Variants in ILDR1 observed in about 807,000 individuals in gnomAD.
ILDR1 encodes the protein immunoglobulin like domain containing receptor 1, also known as immunoglobulin-like domain-containing receptor 1.
Under a neutral mutation model 62.4 loss-of-function variants are expected in ILDR1, and 56 were observed. The observed-to-expected ratio is 0.90, with a 90% confidence interval of 0.72 to 1.12. ILDR1 has a LOEUF of 1.12. Among genes scored for constraint, ILDR1 ranks in the 50% most tolerant of loss-of-function variants. ILDR1 has a pLI of 0.00. For synonymous variants in ILDR1, 284 were observed against 277.8 expected, an observed-to-expected ratio of 1.02 and a Z score of -0.22; for missense variants, 736 against 710.6, an observed-to-expected ratio of 1.04 and a Z score of -0.41.
chr3:122,005,282 C>T lies in ILDR1; in HGVS notation c.341G>A (p.Gly114Glu). ...GATCTTGCGCTGCCGGTAATCTACC[C>T]CCAGCACGGGCTCATTCTGCCCCCG... ...QRRGQNEPVLGVDYRQRKITI... is the reference protein window; with the variant it reads ...QRRGQNEPVLEVDYRQRKITI... Residue 114 changes from glycine to glutamate, a missense_variant, in exon 3 of 8, where the codon GGG (glycine) becomes GAG (glutamate). Coordinates refer to ENST00000344209, the MANE Select transcript of ILDR1 (RefSeq NM_001199799.2). 6.2e-7 allele frequency: 1 copy of T among 1,613,808 alleles called. No individual in the cohort carries two copies. The highest frequency in any genetic ancestry group is 1.1e-5 in the South Asian group (1 of 91,020).
chr3:122,037,127 A>C, the ILDR1 span, among the ~76,000 whole-genome samples: 1 of 152,230 alleles, frequency 6.6e-6, no homozygotes, highest in African/African-American at 2.4e-5. Flanking sequence ...CTCATGGAGA[A>C]TCTTTATTAG....
chr3:122,051,196 C>G, the ILDR1 span, among the ~76,000 whole-genome samples: 3 of 152,110 alleles, frequency 2.0e-5, no homozygotes, highest in Non-Finnish European at 4.4e-5. Context: ...AAGTTTTCAG[C>G]CATTATTTCT....
chr3:122,009,226 C>T (rs900163327), intron 1 of ILDR1, among the ~76,000 whole-genome samples: 22 of 151,982 alleles, frequency 1.4e-4, no homozygotes, highest in African/African-American at 1.5e-4. Context: ...CCACTGCACA[C>T]AGCAATTGAT....
chr3:122,047,941 C>T, the ILDR1 span, among the ~76,000 whole-genome samples: 3 of 152,206 alleles, frequency 2.0e-5, no homozygotes, highest in African/African-American at 7.2e-5. Flanking sequence ...CTCCTCCCAC[C>T]TATTTCTTTT....
intron 1 of ILDR1, among the ~76,000 whole-genome samples, chr3:122,011,696 C>T (rs192005788): frequency 9.2e-5 from 14 of 151,622 alleles, no homozygotes; most frequent in Admixed American, 2.0e-4. Flanking sequence ...CACACACACA[C>T]GGGAAGAGTC....
rs372428576 is a variant in ILDR1, at chr3:121,988,348, G to T, written c.*19C>A. On this transcript the variant is annotated 3_prime_UTR_variant, in exon 8 of 8. Coordinates refer to ENST00000344209, the MANE Select transcript of ILDR1 (RefSeq NM_001199799.2). ...CAGGAGCCGAGAAGTAGCCACAGAA[G>T]TTGTGCTGTGCTTGGTGACTAAATG... 4.3e-6 allele frequency: 7 copies of T among 1,609,694 alleles called. No individual in the cohort carries two copies. In the East Asian group the frequency reaches 1.6e-4, roughly 36 times the overall value.
the ILDR1 span, among the ~76,000 whole-genome samples, chr3:122,050,640 GT>G: frequency 2.7e-5 from 4 of 150,508 alleles, no homozygotes; most frequent in Middle Eastern, 3.2e-3. Context: ...CTATGCTTTT[GT>G]TTTTTTTAAC....
chr3:121,995,349 T>G (rs1329370114), intron 5 of ILDR1, among the ~76,000 whole-genome samples: 2 of 152,026 alleles, frequency 1.3e-5, no homozygotes, highest in East Asian at 3.9e-4. Context: ...CCCTGGGCCC[T>G]GTGGCCACCC....
intron 3 of ILDR1, among the ~76,000 whole-genome samples, chr3:122,004,110 T>C (rs2071568513): frequency 6.6e-6 from 1 of 152,216 alleles, no homozygotes; most frequent in Non-Finnish European, 1.5e-5. Flanking sequence ...GACCTACCTT[T>C]AAACAGTCAG....
upstream of ILDR1, among the ~76,000 whole-genome samples, chr3:122,026,160 G>A (rs546863193): frequency 6.6e-6 from 1 of 152,310 alleles, no homozygotes; most frequent in Non-Finnish European, 1.5e-5. Flanking sequence ...ACTTCATGCA[G>A]GAGACAATGG....
At chr3:122,023,806 GCA>G (rs2071898131), upstream of ILDR1, among the ~76,000 whole-genome samples, 1 of 152,126 alleles carries the variant, frequency 6.6e-6, no homozygotes, top group African/African-American at 2.4e-5. Context: ...AGCAGCAGCA[GCA>G]GCAGCAGGAG....
At chr3:122,011,239 C>T (rs192359950) in intron 1 of ILDR1, among the ~76,000 whole-genome samples, 7 of 152,120 alleles carry the variant, frequency 4.6e-5, no homozygotes, top group Admixed American at 3.3e-4. Context: ...ATAGAGGTAG[C>T]GCATTTGGGA....
At chr3:122,040,572 T>C in the ILDR1 span, among the ~76,000 whole-genome samples, 1 of 151,926 alleles carries the variant, frequency 6.6e-6, no homozygotes, top group Non-Finnish European at 1.5e-5. Context: ...AGTGTGGTAT[T>C]AGCAAAAGAA....
intron 3 of ILDR1, among the ~76,000 whole-genome samples, chr3:122,004,295 A>G (rs1395577595): frequency 6.6e-6 from 1 of 152,234 alleles, no homozygotes; most frequent in Admixed American, 6.5e-5. Flanking sequence ...TGGATTACAC[A>G]ATAGAAATAT....
intron 1 of ILDR1, among the ~76,000 whole-genome samples, chr3:122,016,215 C>A (rs1445049387): frequency 1.3e-5 from 2 of 152,264 alleles, no homozygotes; most frequent in Non-Finnish European, 2.9e-5. Flanking sequence ...AGTACTCATG[C>A]ATCATCCCTT....
At chr3:122,006,583 C>T (rs371211177) in intron 2 of ILDR1, among the ~76,000 whole-genome samples, 1 of 151,580 alleles carries the variant, frequency 6.6e-6, no homozygotes, top group East Asian at 1.9e-4. Context: ...AGAGACTTCA[C>T]AAATGACCAC....
At chr3:122,018,985 G>T (rs1238978615) in intron 1 of ILDR1, among the ~76,000 whole-genome samples, 3 of 152,226 alleles carry the variant, frequency 2.0e-5, no homozygotes, top group Non-Finnish European at 4.4e-5. Context: ...GGGGTCGGTT[G>T]TCTGATTTCC....
At chr3:122,010,103 A>T (rs2071681865) in intron 1 of ILDR1, among the ~76,000 whole-genome samples, 1 of 143,960 alleles carries the variant, frequency 6.9e-6, no homozygotes, top group Non-Finnish European at 1.6e-5. Context: ...GAAGGCAGAG[A>T]AACTCATTGT....
the ILDR1 span, among the ~76,000 whole-genome samples, chr3:122,053,410 A>G: frequency 6.6e-6 from 1 of 152,192 alleles, no homozygotes; most frequent in South Asian, 2.1e-4. Context: ...ATAATTTGTT[A>G]TACAGCAATG....
Sources: gnomAD v4.1 joint callset for allele counts (sites outside exome capture counted in the v4.1 genomes callset) on GRCh38, gnomAD v4.1.1 for gene constraint, MANE v1.5 for transcripts, NCBI Gene and HGNC (gene_info 2026-07-23, HGNC 2026-07-21) for gene names.